The following RIPOR2 variants were observed in gnomAD, a reference collection of about 807,000 sequenced individuals.
The protein encoded by RIPOR2 is rho family-interacting cell polarization regulator 2.
RIPOR2 carries 39 observed loss-of-function variants against 114.5 expected under a neutral mutation model. The observed-to-expected ratio is 0.34, with a 90% CI of 0.26 to 0.44. RIPOR2 has a LOEUF of 0.44. RIPOR2 is among the 20% of genes least tolerant of loss of function. RIPOR2 has a pLI of 1.00. For missense variants in RIPOR2, 1,007 were observed against 1,255.1 expected (o/e 0.80, Z 2.99); for synonymous variants, 445 against 484.4 (o/e 0.92, Z 1.07).
chr6:24,853,722 T>G (rs988185869), intron 8 of RIPOR2, among the ~76,000 whole-genome samples: 1 of 152,208 alleles, frequency 6.6e-6, no homozygotes, highest in Non-Finnish European at 1.5e-5. Flanking sequence ...TAACACATAG[T>G]AGGTCGTTAA....
chr6:24,910,315 C>A (rs1236844100), intron 1 of RIPOR2, among the ~76,000 whole-genome samples: 2 of 152,198 alleles, frequency 1.3e-5, no homozygotes, highest in Admixed American at 1.3e-4. Flanking sequence ...GGTTCATAGT[C>A]CAGCTCAAAC....
chr6:24,973,698 G>A (rs1037349921), intron 1 of RIPOR2, among the ~76,000 whole-genome samples: 1 of 151,882 alleles, frequency 6.6e-6, no homozygotes. Flanking sequence ...CAATCTAGGT[G>A]CCCATCAATG....
At chr6:24,930,554 T>C (rs1263849093) in intron 1 of RIPOR2, among the ~76,000 whole-genome samples, 1 of 152,216 alleles carries the variant, frequency 6.6e-6, no homozygotes, top group Non-Finnish European at 1.5e-5. Context: ...GCCCCTGCAA[T>C]GACACCATCT....
chr6:24,828,546 A>AGTAGTAAAGTAAGCAGCTGGATG (rs1254453949), intron 17 of RIPOR2, among the ~76,000 whole-genome samples: 1 of 152,086 alleles, frequency 6.6e-6, no homozygotes, highest in South Asian at 2.1e-4. Context: ...GATAGAGTGA[A>AGTAGTAAAGTAAGCAGCTGGATG]GTAGTAAAGT....
intron 1 of RIPOR2, among the ~76,000 whole-genome samples, chr6:24,945,559 G>T (rs940566217): frequency 1.3e-5 from 2 of 152,090 alleles, no homozygotes; most frequent in African/African-American, 2.4e-5. Context: ...TGTGTTGACG[G>T]GCATATAATA....
At chr6:25,034,939 A>G (rs1237925781) in intron 1 of RIPOR2, among the ~76,000 whole-genome samples, 1 of 152,202 alleles carries the variant, frequency 6.6e-6, no homozygotes, top group African/African-American at 2.4e-5. Context: ...ACATTTGGCA[A>G]TTGTACCCAT....
At chr6:24,870,708 T>A (rs1490210753) in intron 5 of RIPOR2, among the ~76,000 whole-genome samples, 158 bp downstream of exon 5, 1 of 152,168 alleles carries the variant, frequency 6.6e-6, no homozygotes, top group African/African-American at 2.4e-5. Context: ...GAGATGGGAT[T>A]TTGCCACATT....
chr6:24,913,109 G>A (rs1284302048), intron 1 of RIPOR2, among the ~76,000 whole-genome samples: 2 of 151,976 alleles, frequency 1.3e-5, no homozygotes, highest in African/African-American at 2.4e-5. Flanking sequence ...GGGCTGAGGG[G>A]TATCTTGCTG....
chr6:24,846,266 C>T (rs1386500044), intron 12 of RIPOR2, among the ~76,000 whole-genome samples: 1 of 149,954 alleles, frequency 6.7e-6, no homozygotes, highest in African/African-American at 2.5e-5. Context: ...TCCCTGAAAA[C>T]TCCACCAGAG....
intron 1 of RIPOR2, among the ~76,000 whole-genome samples, chr6:25,041,591 C>T (rs770491064): frequency 3.9e-5 from 6 of 152,184 alleles, no homozygotes; most frequent in Non-Finnish European, 8.8e-5. Context: ...AAAAGAGGCC[C>T]TGTGGCCCTG....
chr6:24,903,284 CT>C (rs1423104078), intron 1 of RIPOR2, among the ~76,000 whole-genome samples: 4 of 152,192 alleles, frequency 2.6e-5, no homozygotes, highest in Non-Finnish European at 1.5e-5. Context: ...GTTGAATGAT[CT>C]TTTATGATCT....
intron 1 of RIPOR2, among the ~76,000 whole-genome samples, chr6:24,957,849 T>A (rs898418011): frequency 6.6e-6 from 1 of 152,190 alleles, no homozygotes; most frequent in Non-Finnish European, 1.5e-5. Context: ...CACTCCAGCC[T>A]GGGCGACAGA....
intron 1 of RIPOR2, among the ~76,000 whole-genome samples, chr6:24,965,621 C>A (rs956592300): frequency 2.0e-5 from 3 of 151,970 alleles, no homozygotes; most frequent in Non-Finnish European, 2.9e-5. Context: ...TTACATGATG[C>A]CTGAAGTCTT....
rs72839911 is a variant in RIPOR2, at chr6:24,839,518, G to A, written c.1858-246C>T. On this transcript the variant is annotated intron_variant, in intron 13 of 21. Transcript: ENST00000643898. Reference sequence around the variant, plus strand: ...GGGAAGTCAGCAGGTTGAAGAATAGGAAACAAGATTGGCCATGAGTTGATC... The same window carrying A: ...GGGAAGTCAGCAGGTTGAAGAATAGAAAACAAGATTGGCCATGAGTTGATC... 86,053 of 1,398,602 alleles carry A rather than the reference G, an allele frequency of 0.062. 3,082 individuals are homozygous for A. Among genetic ancestry groups the A allele is most frequent in the Non-Finnish European group, 0.07 (71,932 of 1,029,906 alleles). The allele number at this position is 1,398,602 out of a possible 1,614,324, so 86.6% of individuals were successfully genotyped here.
intron 1 of RIPOR2, among the ~76,000 whole-genome samples, chr6:25,033,691 C>T (rs967578732): frequency 1.3e-5 from 2 of 152,162 alleles, no homozygotes; most frequent in African/African-American, 4.8e-5. Context: ...TTGTATCTGC[C>T]TTCTCCCACA....
At chr6:25,029,618 A>C (rs1776822550) in intron 1 of RIPOR2, among the ~76,000 whole-genome samples, 1 of 152,060 alleles carries the variant, frequency 6.6e-6, no homozygotes, top group African/African-American at 2.4e-5. Flanking sequence ...TCCGTGCCCC[A>C]CATCACTTCT....
At chr6:24,820,125 C>T (rs1759547247) in intron 19 of RIPOR2, among the ~76,000 whole-genome samples, 2 of 152,112 alleles carry the variant, frequency 1.3e-5, no homozygotes, top group African/African-American at 2.4e-5. Context: ...CTCCGCCTCC[C>T]GGGTTCAAGC....
At chr6:24,985,710 A>G (rs1220567409) in intron 1 of RIPOR2, among the ~76,000 whole-genome samples, 1 of 152,162 alleles carries the variant, frequency 6.6e-6, no homozygotes, top group African/African-American at 2.4e-5. Context: ...TGTAAATCCT[A>G]TAACTATCCA....
rs532346990 is a variant in RIPOR2 at position 24,928,469 on chromosome 6, C to T, written c.61+7369G>A. Among the ~76,000 whole-genome samples, 4 of 152,268 alleles carry T rather than the reference C, an allele frequency of 2.6e-5. No homozygotes were observed. The East Asian group carries it at 7.7e-4, about 29-fold the overall frequency. The stretch of plus-strand genomic sequence containing the variant: ...TTATAGAGAATAAAAAAATTATACT[C>T]AAAGGCTCAGCCAGCTGACTCATCT... On this transcript the variant is annotated intron_variant, in intron 1 of 21. Coordinates refer to ENST00000643898, the MANE Select transcript of RIPOR2 (RefSeq NM_001286445.3).
Sources: gnomAD v4.1 joint callset for allele counts (sites outside exome capture counted in the v4.1 genomes callset) on GRCh38, gnomAD v4.1.1 for gene constraint, MANE v1.5 for transcripts, NCBI Gene and HGNC (gene_info 2026-07-23, HGNC 2026-07-21) for gene names.